DUSP16: variants seen among roughly 807,000 people sequenced by gnomAD.
DUSP16 encodes dual specificity phosphatase 16.
In DUSP16, 21 loss-of-function variants were observed where a neutral mutation model predicts 58.3. The observed-to-expected ratio is 0.36, with a 90% CI of 0.26 to 0.52. The LOEUF is 0.52. Among genes scored for constraint, DUSP16 ranks in the 20% least tolerant of loss-of-function variants. The pLI is 0.94. For synonymous variants in DUSP16, 320 were observed against 323.8 expected (o/e 0.99, Z 0.12); for missense variants, 726 against 819.0 (o/e 0.89, Z 1.39).
At chr12:12,509,512 A>T (rs1368482626) in intron 3 of DUSP16, among the ~76,000 whole-genome samples, 1 of 151,810 alleles carries the variant, frequency 6.6e-6, no homozygotes, top group African/African-American at 2.4e-5. Context: ...TTCCTTGAGC[A>T]GCGTATCTAG....
chr12:12,549,039 T>C (rs928413107), intron 1 of DUSP16, among the ~76,000 whole-genome samples: 2 of 152,222 alleles, frequency 1.3e-5, no homozygotes, highest in Admixed American at 1.3e-4. Context: ...AATACACACA[T>C]ATGTATATCT....
At chr12:12,484,495 C>G (rs1011591200) in intron 5 of DUSP16, among the ~76,000 whole-genome samples, 1 of 152,154 alleles carries the variant, frequency 6.6e-6, no homozygotes, top group Non-Finnish European at 1.5e-5. Flanking sequence ...AAAGCCCACA[C>G]ATTGTCATGA....
chr12:12,510,734 G>A (rs1944065326), intron 3 of DUSP16, among the ~76,000 whole-genome samples: 1 of 152,214 alleles, frequency 6.6e-6, no homozygotes, highest in South Asian at 2.1e-4. Flanking sequence ...ATTATGGTAA[G>A]TGGCCAAAGG....
In DUSP16 at chr12:12,500,613, C is replaced by T. The variant is rs1168520793; in HGVS notation, c.437G>A (p.Cys146Tyr). The change falls in exon 4 of 7, where the codon TGC (cysteine) becomes TAC (tyrosine). Residue 146 changes from cysteine to tyrosine, a missense_variant. By Grantham distance (194) the Cys-to-Tyr change is radical. Transcript: ENST00000298573. The stretch of plus-strand genomic sequence containing the variant: ...AACAGGTAAGCAAGGCTGAGAAATG[C>T]AGGTAGGGACTAGAGTGGATTTTCC... The part of the protein sequence containing the change: ...CEGKSTLVPT[C>Y]ISQPCLPVAN... 1.2e-5 allele frequency: 20 copies of T among 1,611,818 alleles called. No individual in the cohort carries two copies. The highest frequency in any genetic ancestry group is 1.5e-5 in the Non-Finnish European group (18 of 1,179,112).
chr12:12,504,691 TAAAAAAAA>T (rs57833371), intron 3 of DUSP16, among the ~76,000 whole-genome samples: 3 of 119,140 alleles, frequency 2.5e-5, no homozygotes, highest in African/African-American at 9.4e-5. Context: ...CAATCTCTGT[TAAAAAAAA>T]AAAAAAAAAA....
intron 3 of DUSP16, among the ~76,000 whole-genome samples, chr12:12,501,495 T>C (rs1317543083): frequency 6.6e-6 from 1 of 152,092 alleles, no homozygotes; most frequent in Non-Finnish European, 1.5e-5. Context: ...CCAAAGGAGG[T>C]GCTTTCACTC....
intron 4 of DUSP16, among the ~76,000 whole-genome samples, chr12:12,489,221 T>C (rs968632379): frequency 3.3e-5 from 5 of 152,240 alleles, no homozygotes; most frequent in Admixed American, 6.5e-5. Flanking sequence ...CCTTCAGCTA[T>C]GCCAGAGCCC....
intron 1 of DUSP16, among the ~76,000 whole-genome samples, chr12:12,524,759 T>G (rs1048495698): frequency 6.6e-6 from 1 of 152,214 alleles, no homozygotes; most frequent in African/African-American, 2.4e-5. Flanking sequence ...GCTGCTAAAG[T>G]TGAAATACTT....
intron 1 of DUSP16, among the ~76,000 whole-genome samples, chr12:12,537,807 T>C (rs1021173649): frequency 6.6e-6 from 1 of 152,208 alleles, no homozygotes; most frequent in African/African-American, 2.4e-5. Context: ...AACACGATAA[T>C]AAATGTTCAG....
intron 4 of DUSP16, among the ~76,000 whole-genome samples, chr12:12,488,946 G>C (rs954364888): frequency 3.9e-5 from 6 of 152,112 alleles, no homozygotes; most frequent in African/African-American, 1.2e-4. Context: ...AGGTGTGGTG[G>C]CACATGTCTG....
At chr12:12,547,443 C>G (rs368332771) in intron 1 of DUSP16, among the ~76,000 whole-genome samples, 1 of 71,864 alleles carries the variant, frequency 1.4e-5, no homozygotes, top group Non-Finnish European at 2.5e-5. Context: ...ACAAAACAAA[C>G]AAACAAAAAA....
intron 1 of DUSP16, among the ~76,000 whole-genome samples, chr12:12,523,153 C>T (rs537584604): frequency 1.3e-5 from 2 of 152,302 alleles, no homozygotes; most frequent in East Asian, 3.9e-4. Context: ...TTTACTTATG[C>T]AACCTTGGAC....
intron 1 of DUSP16, among the ~76,000 whole-genome samples, chr12:12,548,592 A>T (rs576908240): frequency 1.4e-5 from 2 of 140,802 alleles, no homozygotes; most frequent in African/African-American, 5.3e-5. Flanking sequence ...AGATCGCACC[A>T]CTGCACTCCA....
chr12:12,512,656 CT>C (rs751505221), intron 3 of DUSP16, among the ~76,000 whole-genome samples: 1 of 152,076 alleles, frequency 6.6e-6, no homozygotes, highest in Non-Finnish European at 1.5e-5. Context: ...GGATTTCCTT[CT>C]TTTTTAAGGC....
Position 12,536,466 on chromosome 12 carries a change from C to T in DUSP16, c.-365-15003G>A, listed in dbSNP as rs151253927. Among the ~76,000 whole-genome samples, 40 of 152,240 alleles carry T rather than the reference C, an allele frequency of 2.6e-4. 1 individual carries two copies. In the East Asian group the frequency reaches 7.5e-3, roughly 29 times the overall value. On this transcript the variant is annotated intron_variant, in intron 1 of 6. Transcript: ENST00000298573. ...GACATAATAAAAGGCTGAAATAGGC[C>T]GGGCACAGTGGCTCATGCATGTAAT... is the stretch of plus-strand genomic sequence containing the variant.
chr12:12,537,651 T>C (rs1944487687), intron 1 of DUSP16, among the ~76,000 whole-genome samples: 1 of 152,180 alleles, frequency 6.6e-6, no homozygotes, highest in African/African-American at 2.4e-5. Context: ...ACCCTAAAAA[T>C]ATGCTCACAA....
intron 4 of DUSP16, among the ~76,000 whole-genome samples, chr12:12,487,695 C>T (rs923127593): frequency 2.0e-5 from 3 of 152,136 alleles, no homozygotes; most frequent in Admixed American, 6.6e-5. Context: ...ATTTCCAACC[C>T]GTATCTCCAA....
chr12:12,474,319 A>G lies in DUSP16; in HGVS notation c.*2514T>C, dbSNP rs1943373802. 4 of 152,256 alleles carry G rather than the reference A, an allele frequency of 2.6e-5. No homozygotes were observed. Among genetic ancestry groups the G allele is most frequent in the African/African-American group, 9.6e-5 (4 of 41,472 alleles). The allele number at this position is 152,256 out of a possible 1,614,324, so 9.4% of individuals were successfully genotyped here. A position where few individuals can be genotyped will look rare whatever the true frequency, so the allele number is the denominator to read the frequency against. ...GAGAAATGCACAGTTTAACCGTTCA[A>G]CAGCTGGCCTTACTTCAAAAGAACA... On this transcript the variant is annotated 3_prime_UTR_variant, in exon 7 of 7. Coordinates refer to ENST00000298573, the MANE Select transcript of DUSP16 (RefSeq NM_030640.3).
chr12:12,548,873 G>A (rs1484118677), intron 1 of DUSP16, among the ~76,000 whole-genome samples: 4 of 151,958 alleles, frequency 2.6e-5, no homozygotes, highest in Non-Finnish European at 5.9e-5. Flanking sequence ...ATCATCAGGA[G>A]GGGATTTCAA....
Sources: allele counts gnomAD v4.1 joint callset (sites outside exome capture counted in the v4.1 genomes callset), GRCh38; gene constraint gnomAD v4.1.1; transcripts MANE v1.5; gene names NCBI Gene and HGNC (gene_info 2026-07-23, HGNC 2026-07-21).